LYN: variants seen among roughly 807,000 people sequenced by gnomAD.
The protein encoded by LYN is tyrosine-protein kinase Lyn.
LYN carries 12 observed loss-of-function variants against 65.0 expected under a neutral mutation model. That is an observed-to-expected ratio of 0.18 (90% confidence interval 0.12 to 0.30). The LOEUF (loss-of-function observed/expected upper bound fraction) is 0.30, where lower values mean the gene tolerates loss of function less well. Among genes scored for constraint, LYN ranks in the 10% least tolerant of loss-of-function variants. LYN has a pLI of 1.00. For missense variants in LYN, 380 were observed against 623.2 expected (o/e 0.61, Z 4.16); for synonymous variants, 222 against 221.2 (o/e 1.00, Z -0.03).
At chr8:56,002,558 C>T (rs1205380682) in intron 12 of LYN, among the ~76,000 whole-genome samples, 2 of 151,448 alleles carry the variant, frequency 1.3e-5, no homozygotes, top group Non-Finnish European at 2.9e-5. Flanking sequence ...GCCAAGATTG[C>T]ACCACTGCAG....
intron 12 of LYN, among the ~76,000 whole-genome samples, chr8:56,000,083 C>T (rs1808473575): frequency 6.6e-6 from 1 of 152,124 alleles, no homozygotes; most frequent in African/African-American, 2.4e-5. Flanking sequence ...TTGTTCTGCA[C>T]TGATTAATTC....
intron 1 of LYN, among the ~76,000 whole-genome samples, chr8:55,895,147 A>G (rs897604940): frequency 2.0e-5 from 3 of 152,062 alleles, no homozygotes; most frequent in Non-Finnish European, 2.9e-5. Flanking sequence ...TCCTCCAGCC[A>G]CAGTTCCTGA....
At chr8:55,986,184 A>AACCC (rs1808067155) in intron 10 of LYN, among the ~76,000 whole-genome samples, 1 of 111,510 alleles carries the variant, frequency 9.0e-6, no homozygotes, top group Non-Finnish European at 1.9e-5. Flanking sequence ...ATCCACCAGA[A>AACCC]TCCCCCCCGC....
At chr8:56,008,123 A>AAAAAATAAAT (rs1808721332) in intron 12 of LYN, among the ~76,000 whole-genome samples, 1 of 140,672 alleles carries the variant, frequency 7.1e-6, no homozygotes. Flanking sequence ...TGCCTCAAAA[A>AAAAAATAAAT]AAAAATAAAA....
At chr8:55,929,679 G>C (rs189809905) in intron 1 of LYN, among the ~76,000 whole-genome samples, 1 of 152,296 alleles carries the variant, frequency 6.6e-6, no homozygotes, top group East Asian at 1.9e-4. Flanking sequence ...GCCTGGAGAG[G>C]TGCTACTGGC....
At chr8:55,959,222 T>C (rs1034795415) in intron 8 of LYN, among the ~76,000 whole-genome samples, 6 of 152,240 alleles carry the variant, frequency 3.9e-5, no homozygotes, top group African/African-American at 1.4e-4. Flanking sequence ...GGTTTTGATT[T>C]GTGTTTTCCT....
At chr8:56,005,550 C>A (rs1479255862) in intron 12 of LYN, among the ~76,000 whole-genome samples, 7 of 152,222 alleles carry the variant, frequency 4.6e-5, no homozygotes, top group Admixed American at 2.6e-4. Context: ...CAGTGCCCCT[C>A]TCTGCAGGCA....
At position 55,999,646 on chromosome 8, in the gene LYN, G is replaced by A. The variant is rs560874866; in HGVS notation, c.1336+97G>A. 11 of 1,219,496 alleles carry A rather than the reference G, an allele frequency of 9.0e-6. No individual in the cohort carries two copies. The South Asian group carries it at 9.9e-5, about 11-fold the overall frequency. 75.5% of individuals were successfully genotyped at this position (1,219,496 alleles called of 1,614,324 possible). A position where few individuals can be genotyped will look rare whatever the true frequency, so the allele number is the denominator to read the frequency against. On this transcript the variant is annotated intron_variant, in intron 12 of 12. Coordinates refer to ENST00000519728, the MANE Select transcript of LYN (RefSeq NM_002350.4). ...AAAGTAATAATTACTTCATCTACCCGATAGCAAAGAATAAGTGCTTTGAGC... is the reference window on the plus strand; with the variant it reads ...AAAGTAATAATTACTTCATCTACCCAATAGCAAAGAATAAGTGCTTTGAGC...
intron 8 of LYN, among the ~76,000 whole-genome samples, chr8:55,961,056 T>G (rs1268994458): frequency 6.6e-6 from 1 of 152,230 alleles, no homozygotes; most frequent in East Asian, 1.9e-4. Flanking sequence ...GAAGGAAACT[T>G]ATTTTACATT....
At chr8:56,004,067 G>A (rs1275510083) in intron 12 of LYN, among the ~76,000 whole-genome samples, 3 of 150,734 alleles carry the variant, frequency 2.0e-5, no homozygotes. Context: ...CTAGTAGCTG[G>A]GATTACAGGC....
chr8:55,995,069 G>T (rs1808339551), intron 10 of LYN, among the ~76,000 whole-genome samples: 1 of 152,140 alleles, frequency 6.6e-6, no homozygotes, highest in Admixed American at 6.5e-5. Context: ...GGAAACAGAG[G>T]CAGGGCTCCT....
chr8:55,939,378 C>T (rs1253155937), intron 1 of LYN, among the ~76,000 whole-genome samples: 2 of 152,114 alleles, frequency 1.3e-5, no homozygotes, highest in Non-Finnish European at 2.9e-5. Flanking sequence ...AATAAATGGC[C>T]ATCTATCGAT....
At chr8:55,974,972 A>G (rs984519425) in intron 10 of LYN, among the ~76,000 whole-genome samples, 3 of 152,148 alleles carry the variant, frequency 2.0e-5, no homozygotes, top group Non-Finnish European at 4.4e-5. Flanking sequence ...TCTCCCCTCC[A>G]CGTGGAAATT....
intron 2 of LYN, among the ~76,000 whole-genome samples, chr8:55,944,450 A>G (rs1806716862): frequency 6.6e-6 from 1 of 152,188 alleles, no homozygotes; most frequent in African/African-American, 2.4e-5. Flanking sequence ...GTAGGTTTTA[A>G]AACACAAGTT....
At chr8:55,986,205 G>C (rs1161324877) in intron 10 of LYN, among the ~76,000 whole-genome samples, 1 of 138,184 alleles carries the variant, frequency 7.2e-6, no homozygotes, top group Non-Finnish European at 1.6e-5. Flanking sequence ...AAAAAAAAAC[G>C]CTACCTTATG....
chr8:55,953,418 G>A (rs986554663), intron 7 of LYN, among the ~76,000 whole-genome samples: 10 of 152,046 alleles, frequency 6.6e-5, no homozygotes, highest in African/African-American at 1.9e-4. Context: ...AGGCCGAGGC[G>A]GGTGGATCAC....
intron 1 of LYN, among the ~76,000 whole-genome samples, chr8:55,924,553 G>A (rs979767120): frequency 2.6e-5 from 4 of 151,714 alleles, no homozygotes; most frequent in African/African-American, 4.8e-5. Flanking sequence ...TAGTAGAAAC[G>A]GGGTTTCACC....
At chr8:55,999,705 C>T (rs529643209) in intron 12 of LYN, among the ~76,000 whole-genome samples, 156 bp downstream of exon 12, 2 of 152,362 alleles carry the variant, frequency 1.3e-5, no homozygotes, top group African/African-American at 4.8e-5. Flanking sequence ...GGCATGGTGG[C>T]TCACGCCTGT....
At chr8:55,888,980 A>G (rs768924996) in intron 1 of LYN, among the ~76,000 whole-genome samples, 8 of 152,158 alleles carry the variant, frequency 5.3e-5, no homozygotes, top group Non-Finnish European at 8.8e-5. Context: ...TGCCCAATGT[A>G]TGTAACAAAA....
Sources: gnomAD v4.1 joint callset for allele counts (sites outside exome capture counted in the v4.1 genomes callset) on GRCh38, gnomAD v4.1.1 for gene constraint, MANE v1.5 for transcripts, NCBI Gene and HGNC (gene_info 2026-07-23, HGNC 2026-07-21) for gene names.